MIER2: variants seen among roughly 807,000 people sequenced by gnomAD.
The protein encoded by MIER2 is MIER family member 2.
In MIER2, 30 loss-of-function variants were observed where a neutral mutation model predicts 67.6. The ratio of observed to expected loss-of-function variants is 0.44; its 90% confidence interval spans 0.33 to 0.60. The LOEUF (loss-of-function observed/expected upper bound fraction) is 0.60, where lower values mean the gene tolerates loss of function less well. Among genes scored for constraint, MIER2 ranks in the 20% least tolerant of loss-of-function variants. The probability of loss-of-function intolerance (pLI) is 0.02; values close to 1 mark genes in which losing one functional copy is unlikely to be tolerated. For synonymous variants in MIER2, 372 were observed against 312.6 expected (o/e 1.19, Z -2.00); for missense variants, 702 against 745.1 (o/e 0.94, Z 0.67).
chr19:305,612 G>A lies in MIER2; in HGVS notation c.*1078C>T, dbSNP rs1568210695. On this transcript the variant is annotated 3_prime_UTR_variant, in exon 14 of 14. Transcript: ENST00000264819. ...AAGTTTAATAAATAAAACAGCAAAG[G>A]GGGGTTCAAGGCAGTTATCACTTCA... is the stretch of plus-strand genomic sequence containing the variant. 6.6e-6 allele frequency: 1 copy of A among 152,492 alleles called. No homozygotes were observed. Among genetic ancestry groups the A allele is most frequent in the Non-Finnish European group, 1.5e-5 (1 of 68,066 alleles). The allele number at this position is 152,492 out of a possible 1,614,324, so 9.4% of individuals were successfully genotyped here.
At chr19:329,147 G>A (rs908830192) in intron 3 of MIER2, among the ~76,000 whole-genome samples, 1 of 151,998 alleles carries the variant, frequency 6.6e-6, no homozygotes, top group Non-Finnish European at 1.5e-5. Flanking sequence ...TGTTAGCACT[G>A]GCCTCCCCTC....
chr19:322,881 G>A (rs1488330054), intron 7 of MIER2, among the ~76,000 whole-genome samples: 1 of 152,162 alleles, frequency 6.6e-6, no homozygotes, highest in Non-Finnish European at 1.5e-5. Context: ...GAAAGGGTGG[G>A]TAAATGTGGC....
chr19:325,562 A>C, intron 7 of MIER2, 73 bp downstream of exon 7: 1 of 1,558,316 alleles, frequency 6.4e-7, no homozygotes, highest in South Asian at 1.1e-5. Flanking sequence ...AGACTGTCCA[A>C]GGATCTGACG....
Position 305,645 on chromosome 19 carries a change from G to C in MIER2, c.*1045C>G, listed in dbSNP as rs1478875803. ...AAGGCAGTTATCACTTCACAGTGTG[G>C]TCCTTGGTGGGGTGAGGGATGGTCG... is the stretch of plus-strand genomic sequence containing the variant. On this transcript the variant is annotated 3_prime_UTR_variant, in exon 14 of 14. Coordinates refer to ENST00000264819, the MANE Select transcript of MIER2 (RefSeq NM_017550.3). The C allele has an allele frequency of 6.6e-6, 1 of 152,522 alleles. No homozygotes were observed. Among genetic ancestry groups the C allele is most frequent in the East Asian group, 1.9e-4 (1 of 5,192 alleles). The allele number at this position is 152,522 out of a possible 1,614,324, so 9.4% of individuals were successfully genotyped here. A position where few individuals can be genotyped will look rare whatever the true frequency, so the allele number is the denominator to read the frequency against.
chr19:336,318 G>T, intron 1 of MIER2, 145 bp from the exon 2 acceptor site: 1 of 651,934 alleles, frequency 1.5e-6, no homozygotes, highest in South Asian at 1.9e-5. Context: ...CTGAGGGCTG[G>T]GGGGCACTAG....
In MIER2 at chr19:326,936, G is replaced by A. The variant is rs10419377; in HGVS notation, c.493+197C>T. The A allele has an allele frequency of 8.5e-3, 5,913 of 692,512 alleles. 274 individuals are homozygous for A. In the African/African-American group the frequency reaches 0.094, roughly 11 times the overall value. 42.9% of individuals were successfully genotyped at this position (692,512 alleles called of 1,614,324 possible). ...GTTCCCTACTTGTTTAAACCAAATC[G>A]CTCTGAGAGTCCAGGCTCACTGGCC... On this transcript the variant is annotated intron_variant, in intron 5 of 13. Coordinates refer to ENST00000264819, the MANE Select transcript of MIER2 (RefSeq NM_017550.3).
At chr19:338,446 G>A (rs1190539536) in intron 1 of MIER2, among the ~76,000 whole-genome samples, 5 of 152,136 alleles carry the variant, frequency 3.3e-5, no homozygotes, top group Admixed American at 2.6e-4. Flanking sequence ...AGATCCAAGG[G>A]AATGTAAAGG....
intron 3 of MIER2, chr19:334,190 G>A (rs1206266044): frequency 1.6e-6 from 1 of 609,886 alleles, no homozygotes; most frequent in East Asian, 2.9e-5. Context: ...GAGAGCAGCT[G>A]GCTTAATCCT....
At chr19:321,937 C>T (rs1240294372) in intron 7 of MIER2, among the ~76,000 whole-genome samples, 2 of 152,018 alleles carry the variant, frequency 1.3e-5, no homozygotes, top group Non-Finnish European at 2.9e-5. Flanking sequence ...CAGAGTCTCG[C>T]TCTGTCACCC....
chr19:318,586 G>A (rs72984452), intron 7 of MIER2, among the ~76,000 whole-genome samples: 29,325 of 152,072 alleles, frequency 0.19, 4,294 homozygotes, highest in African/African-American at 0.4. Flanking sequence ...ATTATCCAGC[G>A]GATCCAAGGG....
In MIER2 at chr19:308,624, G is replaced by C; in HGVS notation, c.1151C>G (p.Pro384Arg). The C allele has an allele frequency of 6.2e-7, 1 of 1,606,986 alleles. No homozygotes were observed. Among genetic ancestry groups the C allele is most frequent in the Non-Finnish European group, 8.5e-7 (1 of 1,177,934 alleles). ...GTCTTGCTCCGGGCGCGGACGGCCGGGGCCATCGGGGTCGCTGCCATCCAG... is the reference window on the plus strand; with the variant it reads ...GTCTTGCTCCGGGCGCGGACGGCCGCGGCCATCGGGGTCGCTGCCATCCAG... Reference protein sequence around the residue: ...QDLDGSDPDGPGRPRPEQDTL... With the variant: ...QDLDGSDPDGRGRPRPEQDTL... Residue 384 changes from proline (P) to arginine (R), a missense_variant, in exon 12 of 14, where the codon CCC becomes CGC. Pro to Arg is a moderately radical substitution (Grantham distance 103). Transcript: ENST00000264819. The surrounding 1 kb of genome is among the most constrained non-coding windows in gnomAD (Gnocchi z 9.1).
chr19:313,743 A>G, intron 7 of MIER2, 100 bp from the exon 8 acceptor site: 2 of 1,487,366 alleles, frequency 1.3e-6, no homozygotes, highest in Non-Finnish European at 1.8e-6. Context: ...GACAGGGAGG[A>G]GGCACTGTCC....
chr19:311,195 G>A (rs984117635), intron 10 of MIER2, among the ~76,000 whole-genome samples: 7 of 152,248 alleles, frequency 4.6e-5, no homozygotes, highest in African/African-American at 1.7e-4. Flanking sequence ...GTGCCCAACC[G>A]GGGCGTGGAC....
At chr19:316,814 C>T (rs1971254537) in intron 7 of MIER2, among the ~76,000 whole-genome samples, 1 of 151,830 alleles carries the variant, frequency 6.6e-6, no homozygotes, top group African/African-American at 2.4e-5. Context: ...ACTAAAAATA[C>T]AAAAATTAGC....
intron 7 of MIER2, among the ~76,000 whole-genome samples, chr19:315,633 G>A (rs972908668): frequency 4.6e-5 from 7 of 152,164 alleles, no homozygotes; most frequent in African/African-American, 1.7e-4. Flanking sequence ...ACAATTAGTG[G>A]AATCAAAAGG....
chr19:325,787 C>A (rs1258090689), intron 6 of MIER2, 83 bp from the exon 7 acceptor site: 8 of 1,496,478 alleles, frequency 5.3e-6, no homozygotes, highest in Middle Eastern at 1.7e-4. Flanking sequence ...CTGTGGCAGG[C>A]TTACGGGGAG....
intron 3 of MIER2, among the ~76,000 whole-genome samples, chr19:330,773 G>T (rs1251948323): frequency 6.6e-6 from 1 of 151,978 alleles, no homozygotes; most frequent in Admixed American, 6.6e-5. Context: ...ACCATGTGAG[G>T]ACACAGCAAG....
In MIER2 at chr19:305,885, G is replaced by C. The variant is rs1970626427; in HGVS notation, c.*805C>G. 1 of 152,286 alleles carries C rather than the reference G, an allele frequency of 6.6e-6. No individual in the cohort carries two copies. Among genetic ancestry groups the C allele is most frequent in the Admixed American group, 6.5e-5 (1 of 15,278 alleles). The allele number at this position is 152,286 out of a possible 1,614,324, so 9.4% of individuals were successfully genotyped here. A position where few individuals can be genotyped will look rare whatever the true frequency, so the allele number is the denominator to read the frequency against. ...GGGCTGGGGAAACAGGCTGGAGTCT[G>C]GCCCCTGCGTGGCCAGCAGGGCCGG... is the stretch of plus-strand genomic sequence containing the variant. On this transcript the variant is annotated 3_prime_UTR_variant, in exon 14 of 14. Coordinates refer to ENST00000264819, the MANE Select transcript of MIER2 (RefSeq NM_017550.3).
At chr19:334,208 C>A (rs1046435584) in intron 3 of MIER2, 192 bp downstream of exon 3, 1 of 713,222 alleles carries the variant, frequency 1.4e-6, no homozygotes, top group Non-Finnish European at 2.3e-6. Context: ...CCTTGACCAC[C>A]GTGCTGCTCA....
Sources: allele counts gnomAD v4.1 joint callset (sites outside exome capture counted in the v4.1 genomes callset), GRCh38; gene constraint gnomAD v4.1.1; non-coding constraint Gnocchi (gnomAD v3.1); transcripts MANE v1.5; gene names NCBI Gene and HGNC (gene_info 2026-07-23, HGNC 2026-07-21).